The following PM20D1 variants were observed in gnomAD, a reference collection of about 807,000 sequenced individuals.
The protein encoded by PM20D1 is N-fatty-acyl-amino acid synthase/hydrolase PM20D1.
PM20D1 carries 53 observed loss-of-function variants against 53.8 expected under a neutral mutation model. The observed-to-expected ratio is 0.98, with a 90% CI of 0.79 to 1.24. PM20D1 has a LOEUF of 1.24. Ranked by LOEUF, PM20D1 falls within the 50% of genes most tolerant of loss-of-function variation. The pLI is 0.00. For synonymous variants in PM20D1, 239 were observed against 241.3 expected (o/e 0.99, Z 0.09); for missense variants, 564 against 616.8 (o/e 0.91, Z 0.91).
chr1:205,833,788 G>C (rs932220523), intron 10 of PM20D1, among the ~76,000 whole-genome samples: 1 of 152,060 alleles, frequency 6.6e-6, no homozygotes, highest in African/African-American at 2.4e-5. Context: ...CTCTGCTCTA[G>C]AAAGGGGGGG....
At position 205,845,472 on chromosome 1, in the gene PM20D1, GTCCGAGCC is replaced by G; in HGVS notation, c.334_341del (p.Gly112ProfsTer13). 2 of 1,614,216 alleles carry G rather than the reference GTCCGAGCC, an allele frequency of 1.2e-6. No homozygotes were observed. On this transcript the variant is annotated frameshift_variant, in exon 3 of 13. Transcript: ENST00000367136. LOFTEE classifies it high-confidence loss of function. ...TCAGCAGGTAGGGCTGCAAGCTGGG[GTCCGAGCC>G]TTGGATAGTGAACAGGTGGCTATAC...
chr1:205,830,431 G>C, intron 11 of PM20D1, 52 bp from the exon 12 acceptor site: 7 of 1,348,458 alleles, frequency 5.2e-6, no homozygotes, highest in Middle Eastern at 1.8e-4. Flanking sequence ...AATCAAACCA[G>C]CGAAGTGGCT....
rs757389829 is a variant in PM20D1 at position 205,828,602 on chromosome 1, C to A, written c.*18G>T. 2.3e-5 allele frequency: 37 copies of A among 1,613,714 alleles called. No individual in the cohort carries two copies. Among genetic ancestry groups the A allele is most frequent in the Non-Finnish European group, 2.5e-5 (29 of 1,179,916 alleles). On this transcript the variant is annotated 3_prime_UTR_variant, in exon 13 of 13. Transcript: ENST00000367136. Reference sequence around the variant, plus strand: ...TGTCCCGGGGTCGGGCATGCCTAACCCAGCAGGCCCCTTGACCTCACAGTT... The same window carrying A: ...TGTCCCGGGGTCGGGCATGCCTAACACAGCAGGCCCCTTGACCTCACAGTT...
rs1044970941 is a variant in PM20D1, at chr1:205,844,338, C to G, written c.577-121G>C. The stretch of plus-strand genomic sequence containing the variant: ...CAGAACCTTTCTACCTAGTCTCCTT[C>G]CTGGGAGCCAGGGCCCTAGAGAATC... On this transcript the variant is annotated intron_variant, in intron 4 of 12. Transcript: ENST00000367136. 1.5e-5 allele frequency: 19 copies of G among 1,228,060 alleles called. No homozygotes were observed. In the Admixed American group the frequency reaches 4.8e-4, roughly 31 times the overall value. 76.1% of individuals were successfully genotyped at this position (1,228,060 alleles called of 1,614,324 possible).
At chr1:205,828,767 G>T in intron 12 of PM20D1, 24 bp from the exon 13 acceptor site, 1 of 1,613,198 alleles carries the variant, frequency 6.2e-7, no homozygotes, top group South Asian at 1.1e-5. Context: ...GGTGCATTTA[G>T]GGAAGGAGGG....
At chr1:205,839,998 G>A (rs964802997) in intron 10 of PM20D1, among the ~76,000 whole-genome samples, 10 of 149,420 alleles carry the variant, frequency 6.7e-5, no homozygotes, top group Admixed American at 6.0e-4. Context: ...TATATATAAT[G>A]TTATATATAA....
chr1:205,831,910 A>G (rs1047707192), intron 11 of PM20D1, among the ~76,000 whole-genome samples: 3 of 152,186 alleles, frequency 2.0e-5, no homozygotes, highest in African/African-American at 7.2e-5. Context: ...GAGATTCTCA[A>G]ACTATAGTTA....
At position 205,849,768 on chromosome 1, in the gene PM20D1, G is replaced by T. The variant is rs953043506; in HGVS notation, c.169+136C>A. The T allele has an allele frequency of 1.2e-5, 13 of 1,118,408 alleles. No homozygotes were observed. The African/African-American group carries it at 1.3e-4, about 11-fold the overall frequency. The allele number at this position is 1,118,408 out of a possible 1,614,324, so 69.3% of individuals were successfully genotyped here. On this transcript the variant is annotated intron_variant, in intron 1 of 12. Coordinates refer to ENST00000367136, the MANE Select transcript of PM20D1 (RefSeq NM_152491.5). ...CACGATGTGCTGGGAAGGGTGTTGG[G>T]GCCGGGCTGGGGTGCGTGTCGGGGC...
intron 7 of PM20D1, 63 bp downstream of exon 7, chr1:205,842,613 G>T: frequency 6.6e-7 from 1 of 1,524,436 alleles, no homozygotes; most frequent in Non-Finnish European, 9.1e-7. Context: ...TACTCTAAAG[G>T]TTACTTTTCT....
chr1:205,833,100 AT>A (rs1656598728), intron 10 of PM20D1, among the ~76,000 whole-genome samples: 1 of 152,250 alleles, frequency 6.6e-6, no homozygotes, highest in South Asian at 2.1e-4. Context: ...TGGCTGGAAA[AT>A]TGACTACTGG....
chr1:205,849,861 AC>A, intron 1 of PM20D1, 42 bp downstream of exon 1: 1 of 1,560,172 alleles, frequency 6.4e-7, no homozygotes, highest in Non-Finnish European at 8.7e-7. Context: ...GGAGGGAGGG[AC>A]CCACATATGA....
chr1:205,850,107 G>T lies in PM20D1; in HGVS notation c.-35C>A. 6.2e-7 allele frequency: 1 copy of T among 1,600,022 alleles called. No individual in the cohort carries two copies. Among genetic ancestry groups the T allele is most frequent in the Admixed American group, 1.7e-5 (1 of 59,010 alleles). On this transcript the variant is annotated 5_prime_UTR_variant, in exon 1 of 13. Coordinates refer to ENST00000367136, the MANE Select transcript of PM20D1 (RefSeq NM_152491.5). Reference sequence around the variant, plus strand: ...GAGCTCCTGCTGTCAGGCTACCGGGGTAGTTCTGACCTAAACGCCCAGACT... The same window carrying T: ...GAGCTCCTGCTGTCAGGCTACCGGGTTAGTTCTGACCTAAACGCCCAGACT...
Position 205,847,923 on chromosome 1 carries a change from G to A in PM20D1, c.218C>T (p.Thr73Ile). 3 of 1,601,486 alleles carry A rather than the reference G, an allele frequency of 1.9e-6. No homozygotes were observed. The highest frequency in any genetic ancestry group is 2.6e-6 in the Non-Finnish European group (3 of 1,172,900). Residue 73 changes from threonine (T) to isoleucine (I), a missense_variant, in exon 2 of 13, where the codon ACT (threonine) becomes ATT (isoleucine). Coordinates refer to ENST00000367136, the MANE Select transcript of PM20D1 (RefSeq NM_152491.5). ...TTTTCCGAACTCAGCCAGGGCTGTAGTATTGGACTTCTCAGAGCTAAAAGT... is the reference window on the plus strand; with the variant it reads ...TTTTCCGAACTCAGCCAGGGCTGTAATATTGGACTTCTCAGAGCTAAAAGT... ...TVTFSSEKSN[T>I]TALAEFGKYI...
In PM20D1 at chr1:205,828,566, T is replaced by G; in HGVS notation, c.*54A>C. ...TTTCATCAACACTAGCTTTCCCCCT[T>G]GGGTTAGTCCTGTCCCGGGGTCGGG... On this transcript the variant is annotated 3_prime_UTR_variant, in exon 13 of 13. Transcript: ENST00000367136. The G allele has an allele frequency of 6.2e-7, 1 of 1,603,324 alleles. No individual in the cohort carries two copies. The highest frequency in any genetic ancestry group is 1.7e-5 in the Admixed American group (1 of 58,048).
intron 8 of PM20D1, 68 bp from the exon 9 acceptor site, chr1:205,841,957 TACC>T: frequency 7.0e-7 from 1 of 1,419,954 alleles, no homozygotes; most frequent in African/African-American, 1.4e-5. Context: ...GCGGAAACAT[TACC>T]CACTTTCCTG....
intron 11 of PM20D1, 132 bp downstream of exon 11, chr1:205,832,466 A>T: frequency 2.2e-6 from 2 of 906,646 alleles, no homozygotes; most frequent in Non-Finnish European, 1.7e-6. Context: ...ATACAGTTCT[A>T]GTCTCATCAG....
intron 10 of PM20D1, among the ~76,000 whole-genome samples, chr1:205,835,393 A>G (rs898566371): frequency 1.3e-5 from 2 of 152,156 alleles, no homozygotes; most frequent in Non-Finnish European, 2.9e-5. Context: ...CTACCTCATA[A>G]GTGGTGGTGA....
intron 1 of PM20D1, 100 bp downstream of exon 1, chr1:205,849,804 G>A: frequency 2.1e-6 from 3 of 1,443,452 alleles, no homozygotes; most frequent in East Asian, 4.9e-5. Flanking sequence ...TCCAGCTGCA[G>A]TAGCAGATGC....
Position 205,849,800 on chromosome 1 carries a change from T to G in PM20D1, c.169+104A>C, listed in dbSNP as rs540811455. On this transcript the variant is annotated intron_variant, in intron 1 of 12. Coordinates refer to ENST00000367136, the MANE Select transcript of PM20D1 (RefSeq NM_152491.5). The stretch of plus-strand genomic sequence containing the variant: ...CTGGGGTGCGTGTCGGGGCTCCAGC[T>G]GCAGTAGCAGATGCTTTGCGGCGGA... The G allele has an allele frequency of 2.9e-5, 41 of 1,423,876 alleles. No homozygotes were observed. In the East Asian group the frequency reaches 9.5e-4, roughly 33 times the overall value. 88.2% of individuals were successfully genotyped at this position (1,423,876 alleles called of 1,614,324 possible).
Sources: allele counts gnomAD v4.1 joint callset (sites outside exome capture counted in the v4.1 genomes callset), GRCh38; gene constraint gnomAD v4.1.1; transcripts MANE v1.5; gene names NCBI Gene and HGNC (gene_info 2026-07-23, HGNC 2026-07-21).